The following TMEM132B variants were observed in gnomAD, a reference collection of about 807,000 sequenced individuals.
The protein encoded by TMEM132B is transmembrane protein 132B.
TMEM132B carries 18 observed loss-of-function variants against 90.8 expected under a neutral mutation model. That is an observed-to-expected ratio of 0.20 (90% CI 0.14 to 0.29). TMEM132B has a LOEUF of 0.29. TMEM132B is among the 10% of genes least tolerant of loss of function. The pLI, the probability that TMEM132B is intolerant of heterozygous loss-of-function variation, is 1.00. For synonymous variants in TMEM132B, 504 were observed against 523.3 expected (o/e 0.96, Z 0.50); for missense variants, 1,096 against 1,326.8 (o/e 0.83, Z 2.70).
chr12:125,511,851 C>CAAAAA (rs35364069), intron 3 of TMEM132B, among the ~76,000 whole-genome samples: 2 of 111,168 alleles, frequency 1.8e-5, no homozygotes, highest in African/African-American at 3.4e-5. Context: ...GACTCTATCT[C>CAAAAA]AAAAAAAAAA....
chr12:125,336,801 G>A (rs1190524871), intron 1 of TMEM132B, among the ~76,000 whole-genome samples: 2 of 152,212 alleles, frequency 1.3e-5, no homozygotes, highest in Admixed American at 6.5e-5. Context: ...TGGCAGACCC[G>A]GGGCTCCAGC....
At chr12:125,624,909 C>T (rs1033257880) in intron 5 of TMEM132B, among the ~76,000 whole-genome samples, 1 of 151,710 alleles carries the variant, frequency 6.6e-6, no homozygotes, top group Non-Finnish European at 1.5e-5. Flanking sequence ...GAACTCTATG[C>T]AGTTCTATGG....
At chr12:125,565,393 G>T (rs1158482093) in intron 4 of TMEM132B, among the ~76,000 whole-genome samples, 2 of 152,212 alleles carry the variant, frequency 1.3e-5, no homozygotes, top group Non-Finnish European at 2.9e-5. Flanking sequence ...TCCAGGGGTG[G>T]GACCTGTGAC....
At chr12:125,440,978 G>A (rs565401514) in intron 3 of TMEM132B, among the ~76,000 whole-genome samples, 4 of 152,250 alleles carry the variant, frequency 2.6e-5, no homozygotes, top group Admixed American at 6.5e-5. Flanking sequence ...ATTAGTTGGC[G>A]TTTATGAAAT....
In TMEM132B at chr12:125,575,057, CATATATATATATATAT is replaced by C. The variant is rs147688714; in HGVS notation, c.1294-8783_1294-8768del. ...ATGAAATCCCAAACCTATTAGCTGT[CATATATATATATATAT>C]ATATATATATTCAGGAGTAGAATTG... On this transcript the variant is annotated intron_variant, in intron 4 of 8. Coordinates refer to ENST00000682704, the MANE Select transcript of TMEM132B (RefSeq NM_001366854.1). Among the ~76,000 whole-genome samples the C allele has an allele frequency of 1.8e-4, 8 of 43,862 alleles. 1 individual carries two copies. Among genetic ancestry groups the C allele is most frequent in the South Asian group, 5.9e-4 (1 of 1,702 alleles). 28.8% of individuals were successfully genotyped at this position (43,862 alleles called of 152,430 possible). A position where few individuals can be genotyped will look rare whatever the true frequency, so the allele number is the denominator to read the frequency against.
intron 3 of TMEM132B, among the ~76,000 whole-genome samples, chr12:125,441,705 G>C (rs1880878211): frequency 6.6e-6 from 1 of 152,188 alleles, no homozygotes; most frequent in Non-Finnish European, 1.5e-5. Flanking sequence ...GTGTAGCCTG[G>C]GATTTGAAGG....
chr12:125,558,763 T>G (rs902471687), intron 4 of TMEM132B, among the ~76,000 whole-genome samples: 1 of 152,192 alleles, frequency 6.6e-6, no homozygotes, highest in African/African-American at 2.4e-5. Flanking sequence ...ATGTATTAAT[T>G]AAGCTATCAA....
intron 2 of TMEM132B, among the ~76,000 whole-genome samples, chr12:125,356,988 A>G (rs1181006467): frequency 6.6e-6 from 1 of 152,228 alleles, no homozygotes; most frequent in Non-Finnish European, 1.5e-5. Flanking sequence ...AGTCATCTCC[A>G]TAAGGGCAGG....
chr12:125,562,541 A>G (rs1884559400), intron 4 of TMEM132B, among the ~76,000 whole-genome samples: 1 of 152,132 alleles, frequency 6.6e-6, no homozygotes, highest in Non-Finnish European at 1.5e-5. Context: ...TTAAAGTGAG[A>G]GATGTGGGAC....
intron 2 of TMEM132B, among the ~76,000 whole-genome samples, chr12:125,398,259 T>C (rs1031172381): frequency 6.6e-6 from 1 of 152,204 alleles, no homozygotes; most frequent in Non-Finnish European, 1.5e-5. Context: ...TCCTGAGTTA[T>C]TGGGAAATCC....
Position 125,350,289 on chromosome 12 carries a change from C to A in TMEM132B, c.905C>A (p.Ala302Asp). 1 of 1,613,838 alleles carries A rather than the reference C, an allele frequency of 6.2e-7. No homozygotes were observed. The highest frequency in any genetic ancestry group is 8.5e-7 in the Non-Finnish European group (1 of 1,180,016). The change falls in exon 2 of 9, where the codon GCC (alanine) becomes GAC (aspartate). Residue 302 changes from alanine (A) to aspartate (D), a missense_variant. Coordinates refer to ENST00000682704, the MANE Select transcript of TMEM132B (RefSeq NM_001366854.1). The stretch of plus-strand genomic sequence containing the variant: ...AATCTAGTCCGGGAAGGGGACACGG[C>A]CACCTTTTTGGTCTCTCTGACCAGT... ...PLNLVREGDT[A>D]TFLVSLTSSS...
At chr12:125,405,902 T>G (rs897015849) in intron 2 of TMEM132B, among the ~76,000 whole-genome samples, 4 of 152,184 alleles carry the variant, frequency 2.6e-5, no homozygotes, top group Non-Finnish European at 5.9e-5. Context: ...GGCGCTAGGA[T>G]GCACATGGCT....
chr12:125,561,832 T>C (rs1176346473), intron 4 of TMEM132B, among the ~76,000 whole-genome samples: 3 of 152,128 alleles, frequency 2.0e-5, no homozygotes, highest in African/African-American at 7.2e-5. Context: ...GTAAAGTAGA[T>C]TTAGCATTAT....
chr12:125,188,667 C>G (rs951501606), intron 1 of TMEM132B, among the ~76,000 whole-genome samples: 1 of 151,550 alleles, frequency 6.6e-6, no homozygotes, highest in Non-Finnish European at 1.5e-5. Context: ...TTTGCCTGCT[C>G]CCCTGCTGTT....
chr12:125,312,898 A>T (rs1876156295), intron 1 of TMEM132B, among the ~76,000 whole-genome samples: 1 of 152,190 alleles, frequency 6.6e-6, no homozygotes, highest in East Asian at 1.9e-4. Flanking sequence ...AATATACCCT[A>T]AACCAATGGA....
chr12:125,432,391 A>G (rs796693785), intron 3 of TMEM132B, among the ~76,000 whole-genome samples: 3 of 49,700 alleles, frequency 6.0e-5, no homozygotes, highest in East Asian at 8.5e-4. Context: ...ATATATATAT[A>G]TATATATGTA....
intron 3 of TMEM132B, among the ~76,000 whole-genome samples, chr12:125,515,328 AAC>A (rs1028518473): frequency 4.6e-5 from 7 of 151,554 alleles, no homozygotes; most frequent in South Asian, 2.1e-4. Flanking sequence ...CTCTTACAGA[AAC>A]AACACATTCT....
intron 5 of TMEM132B, among the ~76,000 whole-genome samples, chr12:125,626,977 T>C (rs1886248488): frequency 1.3e-5 from 2 of 152,166 alleles, no homozygotes; most frequent in African/African-American, 4.8e-5. Flanking sequence ...GCCCTTTTCC[T>C]TTTCTTTGTC....
At chr12:125,219,304 C>T (rs1182207188) in intron 1 of TMEM132B, among the ~76,000 whole-genome samples, 1 of 152,202 alleles carries the variant, frequency 6.6e-6, no homozygotes, top group Non-Finnish European at 1.5e-5. Flanking sequence ...CTATTATCTT[C>T]CTTGAAGCCC....
Sources: allele counts gnomAD v4.1 joint callset (sites outside exome capture counted in the v4.1 genomes callset), GRCh38; gene constraint gnomAD v4.1.1; transcripts MANE v1.5; gene names NCBI Gene and HGNC (gene_info 2026-07-23, HGNC 2026-07-21).